The following RIT2 variants were observed in gnomAD, a reference collection of about 807,000 sequenced individuals.
RIT2 encodes GTP-binding protein Rit2.
Under a neutral mutation model 23.7 loss-of-function variants are expected in RIT2, and 24 were observed. The ratio of observed to expected loss-of-function variants is 1.01; its 90% confidence interval spans 0.73 to 1.43. The LOEUF (loss-of-function observed/expected upper bound fraction) is 1.43. Among genes scored for constraint, RIT2 ranks in the 40% most tolerant of loss-of-function variants. The probability of loss-of-function intolerance (pLI) is 0.00; values close to 1 mark genes in which losing one functional copy is unlikely to be tolerated. For synonymous variants in RIT2, 107 were observed against 91.1 expected (o/e 1.17, Z -0.99); for missense variants, 236 against 266.9 (o/e 0.88, Z 0.81).
intron 1 of RIT2, among the ~76,000 whole-genome samples, chr18:43,113,734 ACT>A (rs1914004332): frequency 6.6e-6 from 1 of 152,040 alleles, no homozygotes; most frequent in Non-Finnish European, 1.5e-5. Context: ...AAAATCAGTC[ACT>A]CTATCCCCAC....
At chr18:43,040,501 C>T (rs1272591610) in intron 1 of RIT2, among the ~76,000 whole-genome samples, 1 of 152,128 alleles carries the variant, frequency 6.6e-6, no homozygotes, top group Non-Finnish European at 1.5e-5. Context: ...GGTCTCTCAG[C>T]CCTCAGAACT....
At position 43,024,084 on chromosome 18, in the gene RIT2, T is replaced by C. The variant is rs148709559; in HGVS notation, c.160+9727A>G. 1.5e-4 allele frequency among the ~76,000 whole-genome samples: 23 copies of C among 152,266 alleles called. No homozygotes were observed. The East Asian group carries it at 4.3e-3, about 28-fold the overall frequency. On this transcript the variant is annotated intron_variant, in intron 2 of 4. Coordinates refer to ENST00000326695, the MANE Select transcript of RIT2 (RefSeq NM_002930.4). Reference sequence around the variant, plus strand: ...AGATGGTCAAGGTATGTCATTCATATGCTTTTATAGGCCGTTGTCAGTTAC... The same window carrying C: ...AGATGGTCAAGGTATGTCATTCATACGCTTTTATAGGCCGTTGTCAGTTAC...
At chr18:42,862,892 C>A (rs1371246911) in intron 4 of RIT2, among the ~76,000 whole-genome samples, 1 of 152,162 alleles carries the variant, frequency 6.6e-6, no homozygotes, top group Admixed American at 6.5e-5. Context: ...AACAAATCTC[C>A]TAACTTTTTA....
At chr18:42,815,506 C>T (rs745474709) in intron 4 of RIT2, among the ~76,000 whole-genome samples, 3 of 152,078 alleles carry the variant, frequency 2.0e-5, no homozygotes, top group Non-Finnish European at 4.4e-5. Flanking sequence ...TATCACTGTT[C>T]CCAAGGAAAA....
rs146732558 is a variant in RIT2 at position 42,831,616 on chromosome 18, G to T, written c.427-87896C>A. Among the ~76,000 whole-genome samples the T allele has an allele frequency of 3.7e-4, 57 of 152,196 alleles. No homozygotes were observed. The Middle Eastern group carries it at 0.01, about 27-fold the overall frequency. Reference sequence around the variant, plus strand: ...AGTTCCAAAGAACAGGAAATGTGACGGAGGGTCTAGGAAGAAGAGAGAACT... The same window carrying T: ...AGTTCCAAAGAACAGGAAATGTGACTGAGGGTCTAGGAAGAAGAGAGAACT... On this transcript the variant is annotated intron_variant, in intron 4 of 4. Coordinates refer to ENST00000326695, the MANE Select transcript of RIT2 (RefSeq NM_002930.4).
chr18:42,869,495 C>G (rs939303751), intron 4 of RIT2, among the ~76,000 whole-genome samples: 2 of 152,182 alleles, frequency 1.3e-5, no homozygotes, highest in African/African-American at 4.8e-5. Flanking sequence ...CTACTTGCCT[C>G]AATACTTCAC....
chr18:42,792,212 T>A (rs893750685), intron 4 of RIT2, among the ~76,000 whole-genome samples: 1 of 152,176 alleles, frequency 6.6e-6, no homozygotes, highest in Non-Finnish European at 1.5e-5. Context: ...TGAATTTATC[T>A]CCCCCACTTT....
At chr18:43,020,006 T>C (rs780804723) in intron 2 of RIT2, among the ~76,000 whole-genome samples, 99 of 150,218 alleles carry the variant, frequency 6.6e-4, no homozygotes, top group Admixed American at 1.7e-3. Flanking sequence ...ACAGGAAAGC[T>C]GCAAAACACT....
intron 4 of RIT2, among the ~76,000 whole-genome samples, chr18:42,767,127 T>C (rs547794353): frequency 2.8e-4 from 42 of 152,262 alleles, no homozygotes; most frequent in Middle Eastern, 3.4e-3. Flanking sequence ...CTAGTGGAGC[T>C]GTAAGAAGAC....
chr18:42,869,140 C>T, intron 4 of RIT2, among the ~76,000 whole-genome samples: 1 of 152,208 alleles, frequency 6.6e-6, no homozygotes, highest in Non-Finnish European at 1.5e-5. Context: ...GCACCAGTGA[C>T]TGGTTTCATG....
At chr18:42,945,425 C>T (rs980315098) in intron 3 of RIT2, among the ~76,000 whole-genome samples, 3 of 151,872 alleles carry the variant, frequency 2.0e-5, no homozygotes, top group African/African-American at 7.3e-5. Flanking sequence ...AGGCACAGGG[C>T]TCTTCTTTGA....
intron 4 of RIT2, among the ~76,000 whole-genome samples, chr18:42,916,450 C>G (rs1908912521): frequency 6.6e-6 from 1 of 152,102 alleles, no homozygotes. Context: ...AGAATTGCTA[C>G]TCTGTTTTAC....
chr18:43,101,741 A>T (rs1470199759), intron 1 of RIT2, among the ~76,000 whole-genome samples: 4 of 152,208 alleles, frequency 2.6e-5, no homozygotes, highest in Non-Finnish European at 5.9e-5. Flanking sequence ...TATTTTAGGT[A>T]AAAATGTTTT....
intron 4 of RIT2, among the ~76,000 whole-genome samples, chr18:42,762,204 C>T (rs1050098132): frequency 3.3e-5 from 5 of 152,160 alleles, no homozygotes; most frequent in African/African-American, 4.8e-5. Context: ...CCCTCCATTT[C>T]CTTCTGTACA....
intron 1 of RIT2, among the ~76,000 whole-genome samples, chr18:43,096,621 T>G (rs1913560576): frequency 1.3e-5 from 2 of 151,908 alleles, no homozygotes; most frequent in African/African-American, 4.8e-5. Context: ...CAATAATATC[T>G]AAAATGGTTT....
intron 4 of RIT2, among the ~76,000 whole-genome samples, chr18:42,749,751 C>T: frequency 6.6e-6 from 1 of 151,756 alleles, no homozygotes; most frequent in Non-Finnish European, 1.5e-5. Flanking sequence ...TTTTCAAAAG[C>T]TTACACACAA....
intron 4 of RIT2, among the ~76,000 whole-genome samples, chr18:42,809,971 T>C (rs1362339554): frequency 6.8e-6 from 1 of 146,212 alleles, no homozygotes; most frequent in Non-Finnish European, 1.5e-5. Flanking sequence ...ATATGTTATA[T>C]ATAATTTGTA....
At position 42,892,148 on chromosome 18, in the gene RIT2, G is replaced by A. The variant is rs115870908; in HGVS notation, c.426+31424C>T. 4.2e-3 allele frequency among the ~76,000 whole-genome samples: 646 copies of A among 152,176 alleles called. 2 individuals are homozygous for A. Among genetic ancestry groups the A allele is most frequent in the African/African-American group, 0.014 (572 of 41,550 alleles). On this transcript the variant is annotated intron_variant, in intron 4 of 4. Transcript: ENST00000326695. ...TTACATTCTGCCAAGGTTCATGCTC[G>A]CCTCCTCCAATCTACGTTATAATCT...
intron 4 of RIT2, among the ~76,000 whole-genome samples, chr18:42,865,894 T>G (rs553632907): frequency 6.6e-6 from 1 of 152,298 alleles, no homozygotes; most frequent in African/African-American, 2.4e-5. Context: ...ACCAATGTCT[T>G]CAGGCTGCAT....
Sources: gnomAD v4.1 joint callset for allele counts (sites outside exome capture counted in the v4.1 genomes callset) on GRCh38, gnomAD v4.1.1 for gene constraint, MANE v1.5 for transcripts, NCBI Gene and HGNC (gene_info 2026-07-23, HGNC 2026-07-21) for gene names.